The following ANKRD13D variants were observed in gnomAD, a reference collection of about 807,000 sequenced individuals.
ANKRD13D encodes ankyrin repeat domain 13D, also known as ankyrin repeat domain-containing protein 13D.
Under a neutral mutation model 68.8 loss-of-function variants are expected in ANKRD13D, and 24 were observed. The ratio of observed to expected loss-of-function variants is 0.35; its 90% CI spans 0.25 to 0.49. The LOEUF (loss-of-function observed/expected upper bound fraction) is 0.49, where lower values mean the gene tolerates loss of function less well. Among genes scored for constraint, ANKRD13D ranks in the 20% least tolerant of loss-of-function variants. ANKRD13D has a pLI of 0.99. For missense variants in ANKRD13D, 735 were observed against 832.1 expected, an observed-to-expected ratio of 0.88 and a Z score of 1.44; for synonymous variants, 331 against 336.1, an observed-to-expected ratio of 0.98 and a Z score of 0.16.
rs1163531331 is a variant in ANKRD13D, at chr11:67,301,816, C to T, written c.1597C>T (p.Leu533=). The part of the protein sequence containing the change: ...QATVYEEQLQ[L]ERALQESLQL... ...CACGGTTTATGAGGAACAGCTTCAG[C>T]TGGAGCGGTGAGCCCCTCATGGGGC... The change falls in exon 14 of 15, where the codon CTG becomes TTG. Residue 533 remains leucine, a synonymous_variant. Coordinates refer to ENST00000511455, the MANE Select transcript of ANKRD13D (RefSeq NM_207354.3). The surrounding 1 kb of genome is among the most constrained non-coding windows in gnomAD (Gnocchi z 4.5). 3 of 1,596,618 alleles carry T rather than the reference C, an allele frequency of 1.9e-6. No homozygotes were observed. The highest frequency in any genetic ancestry group is 1.1e-5 in the South Asian group (1 of 88,816).
In ANKRD13D at chr11:67,291,728, T is replaced by G; in HGVS notation, c.523T>G (p.Phe175Val). 6.2e-7 allele frequency: 1 copy of G among 1,613,886 alleles called. No homozygotes were observed. Among genetic ancestry groups the G allele is most frequent in the Non-Finnish European group, 8.5e-7 (1 of 1,180,006 alleles). Residue 175 changes from phenylalanine to valine, a missense_variant, in exon 5 of 15, where the codon TTC (phenylalanine) becomes GTC (valine). Transcript: ENST00000511455. ...HMTWQRGRRS[F>V]IFKGQEAGAL... The stretch of plus-strand genomic sequence containing the variant: ...GACCTGGCAGCGGGGCCGGAGGAGC[T>G]TCATCTTCAAGGGCCAGGGTGAGCT...
intron 6 of ANKRD13D, among the ~76,000 whole-genome samples, chr11:67,293,634 G>A (rs529296943): frequency 1.3e-5 from 2 of 152,270 alleles, no homozygotes; most frequent in Admixed American, 6.5e-5. Flanking sequence ...ACAGGTGCAT[G>A]CTGCCATGCC....
At chr11:67,298,313 T>G (rs1231502835) in intron 6 of ANKRD13D, 1 of 151,682 alleles carries the variant, frequency 6.6e-6, no homozygotes, top group Non-Finnish European at 1.5e-5. Context: ...CCACCCCCCT[T>G]GGCTTCCCAA....
rs1010170966 is a variant in ANKRD13D at position 67,301,546 on chromosome 11, C to T, written c.1407C>T (p.Ser469=). The part of the protein sequence containing the change: ...PTVFEVPNGY[S]VLGMERNEPL... ...TGTTTGAAGTGCCCAACGGGTACAG[C>T]GTGCTGGGCATGGAGCGCAACGAGC... The change falls in exon 13 of 15, where the codon AGC becomes AGT. Residue 469 remains serine, a synonymous_variant. Transcript: ENST00000511455. This position sits in a 1 kb window ranked among gnomAD's most constrained non-coding sequence, Gnocchi z 4.5. The T allele has an allele frequency of 5.6e-6, 9 of 1,612,938 alleles. No individual in the cohort carries two copies. The highest frequency in any genetic ancestry group is 2.2e-5 in the South Asian group (2 of 91,094).
Position 67,301,336 on chromosome 11 carries a change from G to T in ANKRD13D, c.1286G>T (p.Gly429Val). The T allele has an allele frequency of 6.2e-7, 1 of 1,613,832 alleles. No individual in the cohort carries two copies. The highest frequency in any genetic ancestry group is 1.1e-5 in the South Asian group (1 of 91,044). The change falls in exon 12 of 15, where the codon GGC (glycine) becomes GTC (valine). Residue 429 changes from glycine to valine, a missense_variant. Transcript: ENST00000511455. The surrounding 1 kb of genome is among the most constrained non-coding windows in gnomAD (Gnocchi z 4.5). ...NARITFSNLC[G>V]CDEPLSSVWV... ...CGCATCACCTTCAGCAACCTGTGTG[G>T]CTGTGATGAGCCCCTGAGCTCCGTG... is the stretch of plus-strand genomic sequence containing the variant.
chr11:67,294,861 A>T (rs1026987750), intron 6 of ANKRD13D, among the ~76,000 whole-genome samples: 2 of 152,108 alleles, frequency 1.3e-5, no homozygotes, highest in Non-Finnish European at 2.9e-5. Flanking sequence ...GTTTTTCTTA[A>T]TTTTATTTTT....
chr11:67,292,071 C>T lies in ANKRD13D; in HGVS notation c.622C>T (p.Pro208Ser). 6.2e-7 allele frequency: 1 copy of T among 1,611,718 alleles called. No homozygotes were observed. Among genetic ancestry groups the T allele is most frequent in the Non-Finnish European group, 8.5e-7 (1 of 1,178,550 alleles). The change falls in exon 6 of 15, where the codon CCC becomes TCC. Residue 208 changes from proline (P) to serine (S), a missense_variant. Physicochemically the swap from Pro to Ser is moderately conservative, Grantham distance 74. Transcript: ENST00000511455. ...VETLGLTLQE[P>S]ETLLAAMRPS... ...GACACTGGGGCTCACTCTGCAGGAG[C>T]CCGAAACACTGCTGGCCGCCATGCG...
At chr11:67,296,833 G>T (rs1351402408) in intron 6 of ANKRD13D, among the ~76,000 whole-genome samples, 1 of 151,894 alleles carries the variant, frequency 6.6e-6, no homozygotes, top group Non-Finnish European at 1.5e-5. Flanking sequence ...TGTCATCCAG[G>T]CTGCTTTTGA....
At chr11:67,290,480 C>G in intron 3 of ANKRD13D, 34 bp downstream of exon 3, 1 of 1,535,350 alleles carries the variant, frequency 6.5e-7, no homozygotes, top group East Asian at 2.4e-5. Flanking sequence ...GGTGGGGTAC[C>G]ATGGCAGGGC....
At position 67,299,896 on chromosome 11, in the gene ANKRD13D, G is replaced by T. The variant is rs200947046; in HGVS notation, c.942+8G>T. The T allele has an allele frequency of 1.6e-5, 25 of 1,548,956 alleles. No individual in the cohort carries two copies. The South Asian group carries it at 2.7e-4, about 17-fold the overall frequency. ...CATTCCTCCCACACCGGGGTGAGCCGGGGCTGGGCCGAGACAGGGCTGGCG... is the reference window on the plus strand; with the variant it reads ...CATTCCTCCCACACCGGGGTGAGCCTGGGCTGGGCCGAGACAGGGCTGGCG... On this transcript the variant is annotated splice_region_variant and intron_variant, in intron 9 of 14. Coordinates refer to ENST00000511455, the MANE Select transcript of ANKRD13D (RefSeq NM_207354.3). The surrounding 1 kb of genome is among the most constrained non-coding windows in gnomAD (Gnocchi z 6.2).
chr11:67,290,338 C>T lies in ANKRD13D; in HGVS notation c.243C>T (p.Val81=). The stretch of plus-strand genomic sequence containing the variant: ...TGCCCGCAGTCCTGCAGGAGGCAGT[C>T]AGCACTGGAGACCCCGAGATGGTGC... ...RQGWAVLQEA[V]STGDPEMVQL... is the part of the protein sequence containing the mutation. Residue 81 remains valine, a synonymous_variant, in exon 3 of 15, where the codon GTC becomes GTT. Coordinates refer to ENST00000511455, the MANE Select transcript of ANKRD13D (RefSeq NM_207354.3). 1 of 1,558,624 alleles carries T rather than the reference C, an allele frequency of 6.4e-7. No homozygotes were observed. Among genetic ancestry groups the T allele is most frequent in the Non-Finnish European group, 8.7e-7 (1 of 1,151,264 alleles).
intron 6 of ANKRD13D, among the ~76,000 whole-genome samples, chr11:67,293,203 A>T (rs942528332): frequency 6.6e-5 from 10 of 152,194 alleles, no homozygotes; most frequent in Non-Finnish European, 1.2e-4. Context: ...TTGCTAGGTT[A>T]CTGATAACTC....
chr11:67,300,146 G>A lies in ANKRD13D; in HGVS notation c.1073+23G>A. The A allele has an allele frequency of 6.2e-7, 1 of 1,613,136 alleles. No individual in the cohort carries two copies. Among genetic ancestry groups the A allele is most frequent in the South Asian group, 1.1e-5 (1 of 91,058 alleles). On this transcript the variant is annotated intron_variant, in intron 10 of 14. Coordinates refer to ENST00000511455, the MANE Select transcript of ANKRD13D (RefSeq NM_207354.3). The surrounding 1 kb of genome is among the most constrained non-coding windows in gnomAD (Gnocchi z 4.3). ...GAGGTGAGGTCTGAGAGCTGGCTGG[G>A]GACTTGCCTCGGGACAAGGGCTCTT...
Position 67,291,719 on chromosome 11 carries a change from C to G in ANKRD13D, c.514C>G (p.Arg172Gly). 4.3e-6 allele frequency: 7 copies of G among 1,613,980 alleles called. No individual in the cohort carries two copies. Among genetic ancestry groups the G allele is most frequent in the Non-Finnish European group, 5.9e-6 (7 of 1,180,016 alleles). ...CGAGCACATGACCTGGCAGCGGGGCCGGAGGAGCTTCATCTTCAAGGGCCA... is the reference window on the plus strand; with the variant it reads ...CGAGCACATGACCTGGCAGCGGGGCGGGAGGAGCTTCATCTTCAAGGGCCA... Reference protein sequence around the residue: ...GFEHMTWQRGRRSFIFKGQEA... With the variant: ...GFEHMTWQRGGRSFIFKGQEA... The change falls in exon 5 of 15, where the codon CGG becomes GGG. Residue 172 changes from arginine to glycine, a missense_variant. By Grantham distance (125) the Arg-to-Gly change is moderately radical (BLOSUM62 -2). Coordinates refer to ENST00000511455, the MANE Select transcript of ANKRD13D (RefSeq NM_207354.3).
chr11:67,300,397 T>C lies in ANKRD13D; in HGVS notation c.1073+274T>C. ...TCATGAGTACCTGCTGGGGCCAGCG[T>C]GGCACAGTGGGAAGGGCCCCCAGCG... On this transcript the variant is annotated intron_variant, in intron 10 of 14. Transcript: ENST00000511455. This position sits in a 1 kb window ranked among gnomAD's most constrained non-coding sequence, Gnocchi z 4.3. 2.2e-6 allele frequency: 1 copy of C among 454,500 alleles called. No individual in the cohort carries two copies. Among genetic ancestry groups the C allele is most frequent in the Non-Finnish European group, 3.9e-6 (1 of 254,080 alleles). The allele number at this position is 454,500 out of a possible 1,614,324, so 28.2% of individuals were successfully genotyped here.
chr11:67,301,988 C>A lies in ANKRD13D; in HGVS notation c.1605-131C>A. ...GGTGTGAGGGGTGGGGAAGCAGGGC[C>A]CTGCCTTGTCTCCTCTGCTTGCCAC... On this transcript the variant is annotated intron_variant, in intron 14 of 14. Coordinates refer to ENST00000511455, the MANE Select transcript of ANKRD13D (RefSeq NM_207354.3). The surrounding 1 kb of genome is among the most constrained non-coding windows in gnomAD (Gnocchi z 4.5). 1 of 1,350,216 alleles carries A rather than the reference C, an allele frequency of 7.4e-7. No individual in the cohort carries two copies. 83.6% of individuals were successfully genotyped at this position (1,350,216 alleles called of 1,614,324 possible).
intron 6 of ANKRD13D, among the ~76,000 whole-genome samples, chr11:67,297,525 G>GTTT (rs1288562007): frequency 4.2e-5 from 3 of 71,902 alleles, no homozygotes; most frequent in Admixed American, 3.9e-4. Context: ...TAAGTTTTTT[G>GTTT]GTTTTTTTTT....
intron 6 of ANKRD13D, chr11:67,298,016 C>T (rs1860827836): frequency 6.7e-6 from 1 of 150,008 alleles, no homozygotes; most frequent in Non-Finnish European, 1.5e-5. Context: ...GGAAAACATA[C>T]ATTGTATGAC....
rs1353976161 is a variant in ANKRD13D, at chr11:67,300,479, C to T, written c.1073+356C>T. The T allele has an allele frequency of 3.0e-6, 1 of 338,102 alleles. No individual in the cohort carries two copies. The allele number at this position is 338,102 out of a possible 1,614,324, so 20.9% of individuals were successfully genotyped here. ...TGGAACAGAACAGTTACGCTCTTGC[C>T]TCGTGAGGAGCCTTGAGCAGGTATA... On this transcript the variant is annotated intron_variant, in intron 10 of 14. Transcript: ENST00000511455. This position sits in a 1 kb window ranked among gnomAD's most constrained non-coding sequence, Gnocchi z 4.3.
Sources: allele counts gnomAD v4.1 joint callset (sites outside exome capture counted in the v4.1 genomes callset), GRCh38; gene constraint gnomAD v4.1.1; non-coding constraint Gnocchi (gnomAD v3.1); transcripts MANE v1.5; gene names NCBI Gene and HGNC (gene_info 2026-07-23, HGNC 2026-07-21).